The following DOK6 variants were observed in gnomAD, a reference collection of about 807,000 sequenced individuals.
DOK6 encodes the protein downstream of tyrosine kinase 6.
DOK6 carries 22 observed loss-of-function variants against 44.0 expected under a neutral mutation model. The ratio of observed to expected loss-of-function variants is 0.50; its 90% CI spans 0.36 to 0.71. The LOEUF is 0.71. Among genes scored for constraint, DOK6 ranks in the 30% least tolerant of loss-of-function variants. DOK6 has a pLI of 0.00. For missense variants in DOK6, 340 were observed against 416.4 expected (o/e 0.82, Z 1.60); for synonymous variants, 166 against 145.5 (o/e 1.14, Z -1.01).
chr18:69,702,128 G>T (rs1025109598), intron 5 of DOK6, among the ~76,000 whole-genome samples: 4 of 144,666 alleles, frequency 2.8e-5, no homozygotes, highest in Non-Finnish European at 4.5e-5. Flanking sequence ...ATGCCCTTCT[G>T]GGTTGGTTTT....
intron 4 of DOK6, among the ~76,000 whole-genome samples, chr18:69,679,874 T>G (rs1424016133): frequency 6.6e-6 from 1 of 152,086 alleles, no homozygotes; most frequent in East Asian, 1.9e-4. Flanking sequence ...TAGGTTTATT[T>G]TAGAATAGGA....
intron 3 of DOK6, among the ~76,000 whole-genome samples, chr18:69,619,738 G>T (rs10513969): frequency 0.083 from 12,686 of 152,252 alleles, 848 homozygotes; most frequent in East Asian, 0.41. Flanking sequence ...CTTGGCTTGA[G>T]AAGATGTACA....
chr18:69,826,436 C>T (rs983818065), intron 7 of DOK6, among the ~76,000 whole-genome samples: 1 of 152,070 alleles, frequency 6.6e-6, no homozygotes, highest in Non-Finnish European at 1.5e-5. Flanking sequence ...ATATATTCTT[C>T]CAATTAATAC....
At chr18:69,495,646 C>T (rs1385521657) in intron 1 of DOK6, among the ~76,000 whole-genome samples, 1 of 152,210 alleles carries the variant, frequency 6.6e-6, no homozygotes, top group Non-Finnish European at 1.5e-5. Flanking sequence ...GGTAGCCCTG[C>T]CTGCAGCCTT....
chr18:69,786,264 A>C (rs1375997991), intron 7 of DOK6, among the ~76,000 whole-genome samples: 1 of 152,208 alleles, frequency 6.6e-6, no homozygotes, highest in Non-Finnish European at 1.5e-5. Flanking sequence ...TAATCTAGCA[A>C]AAAAATCCTA....
intron 1 of DOK6, among the ~76,000 whole-genome samples, chr18:69,468,497 C>A (rs1769860953): frequency 1.3e-5 from 2 of 152,176 alleles, no homozygotes; most frequent in African/African-American, 4.8e-5. Flanking sequence ...TACACCAGGT[C>A]CTCTGTGAGG....
chr18:69,599,261 A>G, intron 2 of DOK6, 123 bp from the exon 3 acceptor site: 1 of 717,044 alleles, frequency 1.4e-6, no homozygotes, highest in Non-Finnish European at 2.2e-6. Flanking sequence ...AAGTCAATTC[A>G]GAATGAGTAC....
chr18:69,759,340 A>G (rs1979464823), intron 7 of DOK6, among the ~76,000 whole-genome samples: 1 of 152,220 alleles, frequency 6.6e-6, no homozygotes, highest in African/African-American at 2.4e-5. Flanking sequence ...TATGCTTGTA[A>G]TATAAGATTT....
chr18:69,541,733 G>T (rs1005971564), intron 1 of DOK6, among the ~76,000 whole-genome samples: 5 of 151,522 alleles, frequency 3.3e-5, no homozygotes, highest in Admixed American at 3.3e-4. Flanking sequence ...AGAAGAGTAT[G>T]ATAATGGTCA....
At chr18:69,670,787 C>T (rs771277606) in intron 3 of DOK6, among the ~76,000 whole-genome samples, 1 of 152,084 alleles carries the variant, frequency 6.6e-6, no homozygotes, top group Non-Finnish European at 1.5e-5. Flanking sequence ...TGATTGTGGG[C>T]ATGAGCCACC....
At chr18:69,573,229 C>T (rs1983158413) in intron 2 of DOK6, among the ~76,000 whole-genome samples, 1 of 151,638 alleles carries the variant, frequency 6.6e-6, no homozygotes, top group African/African-American at 2.4e-5. Flanking sequence ...AACACACATG[C>T]TCTATGTGTG....
intron 7 of DOK6, among the ~76,000 whole-genome samples, chr18:69,768,245 A>G (rs1457837129): frequency 6.6e-6 from 1 of 152,202 alleles, no homozygotes; most frequent in Non-Finnish European, 1.5e-5. Context: ...ATTAATTAAT[A>G]CAGACAAATG....
intron 1 of DOK6, among the ~76,000 whole-genome samples, chr18:69,547,493 T>C (rs142329510): frequency 6.6e-6 from 1 of 151,396 alleles, no homozygotes; most frequent in East Asian, 1.9e-4. Context: ...TCATGACAAA[T>C]CCACCCCCAT....
intron 1 of DOK6, among the ~76,000 whole-genome samples, chr18:69,429,589 G>T (rs1978739526): frequency 8.8e-6 from 1 of 113,248 alleles, no homozygotes; most frequent in East Asian, 2.5e-4. Context: ...TATCTATGTT[G>T]ATTTTTCTAT....
At chr18:69,605,826 C>T (rs184252280) in intron 3 of DOK6, among the ~76,000 whole-genome samples, 1 of 152,080 alleles carries the variant, frequency 6.6e-6, no homozygotes, top group East Asian at 1.9e-4. Flanking sequence ...ACTGGGAAGA[C>T]GGAAAGCTTT....
chr18:69,463,363 C>T (rs1005958485), intron 1 of DOK6, among the ~76,000 whole-genome samples: 1 of 132,156 alleles, frequency 7.6e-6, no homozygotes, highest in South Asian at 2.4e-4. Flanking sequence ...GTTTCTCCCT[C>T]TCCCTTCAGA....
At chr18:69,830,116 C>T (rs1981859583) in intron 7 of DOK6, among the ~76,000 whole-genome samples, 1 of 152,084 alleles carries the variant, frequency 6.6e-6, no homozygotes, top group Non-Finnish European at 1.5e-5. Flanking sequence ...AATAATTGTT[C>T]CAACGTCCAA....
At chr18:69,559,377 G>A (rs1982770443) in intron 1 of DOK6, among the ~76,000 whole-genome samples, 1 of 152,098 alleles carries the variant, frequency 6.6e-6, no homozygotes, top group Non-Finnish European at 1.5e-5. Context: ...GGAAAGCATT[G>A]TTCTGTACAA....
At chr18:69,617,578 A>AAG (rs1008974791) in intron 3 of DOK6, among the ~76,000 whole-genome samples, 3 of 103,578 alleles carry the variant, frequency 2.9e-5, no homozygotes, top group East Asian at 5.2e-4. Context: ...AAAAGAAAGA[A>AAG]AGAGAGAGAG....
Sources: gnomAD v4.1 joint callset for allele counts (sites outside exome capture counted in the v4.1 genomes callset) on GRCh38, gnomAD v4.1.1 for gene constraint, MANE v1.5 for transcripts, NCBI Gene and HGNC (gene_info 2026-07-23, HGNC 2026-07-21) for gene names.